The following IL1RAPL2 variants were observed in gnomAD, a reference collection of about 807,000 sequenced individuals.
IL1RAPL2 encodes interleukin 1 receptor accessory protein like 2, also known as X-linked interleukin-1 receptor accessory protein-like 2.
Under a neutral mutation model 44.1 loss-of-function variants are expected in IL1RAPL2, and 3 were observed. The observed-to-expected ratio is 0.07, with a 90% confidence interval of 0.03 to 0.18. The LOEUF is 0.18. Among genes scored for constraint, IL1RAPL2 ranks in the 10% least tolerant of loss-of-function variants. The pLI is 1.00. For synonymous variants in IL1RAPL2, 181 were observed against 178.8 expected (o/e 1.01, Z -0.10); for missense variants, 391 against 496.4 (o/e 0.79, Z 2.02).
At chrX:105,196,414 C>CA (rs2033673113) in intron 3 of IL1RAPL2, among the ~76,000 whole-genome samples, 2 of 111,632 alleles carry the variant, frequency 1.8e-5, no homozygotes, top group African/African-American at 6.5e-5. Context: ...TATCTGGCCA[C>CA]GAAAATGATC....
chrX:105,271,141 A>G (rs2034443363), intron 5 of IL1RAPL2, among the ~76,000 whole-genome samples: 1 of 112,340 alleles, frequency 8.9e-6, no homozygotes, highest in South Asian at 3.6e-4. Context: ...TTCTCCATAT[A>G]TGTCATAGTA....
chrX:105,102,283 G>A (rs1393807953), intron 2 of IL1RAPL2, among the ~76,000 whole-genome samples: 1 of 111,631 alleles, frequency 9.0e-6, no homozygotes, highest in Non-Finnish European at 1.9e-5. Flanking sequence ...GCTAGGCCAG[G>A]AGGTAAATAA....
intron 4 of IL1RAPL2, among the ~76,000 whole-genome samples, chrX:105,262,644 C>G (rs1413711559): frequency 9.0e-6 from 1 of 111,063 alleles, no homozygotes; most frequent in African/African-American, 3.3e-5. Flanking sequence ...GAATTCTAAT[C>G]AAAGTGTTTA....
At chrX:105,115,817 A>G (rs1375450190) in intron 2 of IL1RAPL2, among the ~76,000 whole-genome samples, 3 of 112,674 alleles carry the variant, frequency 2.7e-5, no homozygotes, top group Admixed American at 9.3e-5. Flanking sequence ...CTCGTCCGGG[A>G]GGCTCGGGCC....
chrX:105,278,452 C>T (rs747558679), intron 5 of IL1RAPL2, among the ~76,000 whole-genome samples: 13 of 110,953 alleles, frequency 1.2e-4, no homozygotes, highest in Admixed American at 5.8e-4. Flanking sequence ...TTGGGAGTCT[C>T]AGTTACCTTG....
intron 2 of IL1RAPL2, among the ~76,000 whole-genome samples, chrX:104,758,809 T>C (rs1602713765): frequency 1.8e-5 from 2 of 112,024 alleles, no homozygotes; most frequent in African/African-American, 3.2e-5. Context: ...ACTTTACTTT[T>C]TCCTTTTCTT....
chrX:105,334,708 ATC>A (rs1285372058), intron 5 of IL1RAPL2, among the ~76,000 whole-genome samples: 1 of 110,845 alleles, frequency 9.0e-6, no homozygotes, highest in East Asian at 2.8e-4. Context: ...TTTGGGAGAA[ATC>A]TCTCTCTCTT....
At chrX:105,078,218 A>G (rs759703773) in intron 2 of IL1RAPL2, among the ~76,000 whole-genome samples, 100 of 111,265 alleles carry the variant, frequency 9.0e-4, no homozygotes, top group Non-Finnish European at 1.5e-3. Context: ...TTTGGTGTGG[A>G]TGTCCTTTCT....
chrX:105,369,120 AT>A (rs2035318173), intron 5 of IL1RAPL2, among the ~76,000 whole-genome samples: 1 of 109,719 alleles, frequency 9.1e-6, no homozygotes, highest in Non-Finnish European at 1.9e-5. Context: ...GATCCTTTTG[AT>A]TTTCCTGTCA....
At chrX:105,374,324 T>C (rs1442783093) in intron 5 of IL1RAPL2, among the ~76,000 whole-genome samples, 4 of 110,050 alleles carry the variant, frequency 3.6e-5, no homozygotes, top group Non-Finnish European at 7.6e-5. Flanking sequence ...TCGGGCCCTT[T>C]TTTGGTTTCG....
chrX:105,678,983 C>T (rs1160211476), intron 6 of IL1RAPL2, among the ~76,000 whole-genome samples: 1 of 109,872 alleles, frequency 9.1e-6, no homozygotes, highest in African/African-American at 3.3e-5. Context: ...GGATGGATTA[C>T]AGCCTCCAAA....
intron 1 of IL1RAPL2, among the ~76,000 whole-genome samples, chrX:104,620,321 T>C (rs768162478): frequency 1.0e-5 from 1 of 97,466 alleles, no homozygotes; most frequent in Non-Finnish European, 2.2e-5. Flanking sequence ...CCCCCAAAAC[T>C]ATTGAAATAC....
chrX:105,137,534 G>A (rs1353588036), intron 2 of IL1RAPL2, among the ~76,000 whole-genome samples: 1 of 111,707 alleles, frequency 9.0e-6, no homozygotes, highest in Non-Finnish European at 1.9e-5. Context: ...TCACAAACAG[G>A]TATATATTTC....
At chrX:104,865,335 G>A (rs1569329133) in intron 2 of IL1RAPL2, among the ~76,000 whole-genome samples, 1 of 111,769 alleles carries the variant, frequency 8.9e-6, no homozygotes, top group Non-Finnish European at 1.9e-5. Context: ...AAAGATTAGT[G>A]TGCTTCTGGT....
At chrX:104,632,769 A>G (rs1027331793) in intron 1 of IL1RAPL2, among the ~76,000 whole-genome samples, 16 of 108,412 alleles carry the variant, frequency 1.5e-4, no homozygotes, top group Non-Finnish European at 2.5e-4. Context: ...TTCTAGATAT[A>G]CAATCATGTC....
In IL1RAPL2 at chrX:105,271,247, C is replaced by T. The variant is rs757975885; in HGVS notation, c.697+3706C>T. On this transcript the variant is annotated intron_variant, in intron 5 of 10. Transcript: ENST00000372582. ...CTTTTATTATATAAATCGTAGCAGA[C>T]TTTTGTTATATTATTGTGGAAATTT... 6.5e-4 allele frequency among the ~76,000 whole-genome samples: 73 copies of T among 111,701 alleles called. 1 individual carries two copies. Among genetic ancestry groups the T allele is most frequent in the African/African-American group, 2.1e-3 (64 of 30,816 alleles).
At chrX:105,027,564 G>A (rs2031395258) in intron 2 of IL1RAPL2, among the ~76,000 whole-genome samples, 1 of 111,648 alleles carries the variant, frequency 9.0e-6, no homozygotes, top group Non-Finnish European at 1.9e-5. Flanking sequence ...TGAGAAACAG[G>A]CATATGAAAA....
chrX:105,078,978 C>T (rs1045811476), intron 2 of IL1RAPL2, among the ~76,000 whole-genome samples: 9 of 112,542 alleles, frequency 8.0e-5, no homozygotes, highest in Non-Finnish European at 1.5e-4. Flanking sequence ...CCTTGTGCTT[C>T]CTGGGTGAGG....
At chrX:105,247,664 G>GT (rs1475514130) in intron 4 of IL1RAPL2, among the ~76,000 whole-genome samples, 2 of 103,344 alleles carry the variant, frequency 1.9e-5, no homozygotes, top group African/African-American at 7.1e-5. Context: ...AAAGCTGATT[G>GT]TTTTGACAAA....
Sources: allele counts gnomAD v4.1 joint callset (sites outside exome capture counted in the v4.1 genomes callset), GRCh38; gene constraint gnomAD v4.1.1; transcripts MANE v1.5; gene names NCBI Gene and HGNC (gene_info 2026-07-23, HGNC 2026-07-21).